DHRS4L2: variants seen among roughly 807,000 people sequenced by gnomAD.
The protein encoded by DHRS4L2 is dehydrogenase/reductase SDR family member 4-like 2.
In DHRS4L2, 22 loss-of-function variants were observed where a neutral mutation model predicts 23.9. That is an observed-to-expected ratio of 0.92 (90% CI 0.66 to 1.31). The LOEUF is 1.31. DHRS4L2 is among the 40% of genes most tolerant of loss of function. DHRS4L2 has a pLI of 0.00. For synonymous variants in DHRS4L2, 141 were observed against 123.7 expected, an observed-to-expected ratio of 1.14 and a Z score of -0.93; for missense variants, 385 against 303.3, an observed-to-expected ratio of 1.27 and a Z score of -2.00.
At position 24,000,941 on chromosome 14, in the gene DHRS4L2, G is replaced by C. The variant is rs376969886; in HGVS notation, c.479+8G>C. The C allele has an allele frequency of 1.4e-5, 23 of 1,611,274 alleles. No homozygotes were observed. The highest frequency in any genetic ancestry group is 2.2e-5 in the East Asian group (1 of 44,892). ...AGAAATGGAGAAACGAGGGTACAGAGAGTGAGAGAGAGCCTGGGTGAGAGG... is the reference window on the plus strand; with the variant it reads ...AGAAATGGAGAAACGAGGGTACAGACAGTGAGAGAGAGCCTGGGTGAGAGG... On this transcript the variant is annotated splice_region_variant and intron_variant, in intron 4 of 7. Transcript: ENST00000335125.
At chr14:23,995,271 C>G (rs929879506) in intron 3 of DHRS4L2, 138 bp downstream of exon 3, 5 of 1,013,180 alleles carry the variant, frequency 4.9e-6, no homozygotes, top group Non-Finnish European at 7.6e-6. Context: ...CTGGAGCACA[C>G]CTTGCAAAGG....
In DHRS4L2 at chr14:23,980,694, T is replaced by G. The variant is rs554252217; in HGVS notation, c.-175-9488T>G. ...TAGTCCATCACATAAACAGAACCAA[T>G]GACAAAAACCACATGATTATCTCAA... On this transcript the variant is annotated intron_variant, in intron 1 of 5. Transcript: ENST00000534993. Among the ~76,000 whole-genome samples, 23 of 149,894 alleles carry G rather than the reference T, an allele frequency of 1.5e-4. 1 individual carries two copies. The highest frequency in any genetic ancestry group is 1.9e-4 in the Non-Finnish European group (13 of 67,552).
intron 7 of DHRS4L2, 58 bp downstream of exon 7, chr14:24,004,450 C>T: frequency 6.4e-7 from 1 of 1,571,376 alleles, no homozygotes; most frequent in Non-Finnish European, 8.6e-7. Flanking sequence ...GGTCTGGTCC[C>T]TAGCAGCCCA....
upstream of DHRS4L2, among the ~76,000 whole-genome samples, chr14:23,986,550 G>A (rs548479757): frequency 1.5e-3 from 229 of 151,210 alleles, 8 homozygotes; most frequent in Middle Eastern, 3.4e-3. Flanking sequence ...AAATAGTGCT[G>A]GAGGCCAAAT....
At chr14:23,990,388 C>T (rs747646699) in intron 2 of DHRS4L2, 29 bp downstream of exon 2, 8 of 1,591,796 alleles carry the variant, frequency 5.0e-6, no homozygotes, top group South Asian at 3.4e-5. Flanking sequence ...GGCACAGAGC[C>T]AGGAGGTGGA....
At chr14:23,977,590 C>T (rs1275071437) in intron 1 of DHRS4L2, among the ~76,000 whole-genome samples, 1 of 151,630 alleles carries the variant, frequency 6.6e-6, no homozygotes, top group African/African-American at 2.4e-5. Flanking sequence ...GTGGGAACCC[C>T]CAAAATCACT....
intron 3 of DHRS4L2, among the ~76,000 whole-genome samples, chr14:24,000,028 AT>A (rs1207076172): frequency 7.4e-6 from 1 of 134,300 alleles, no homozygotes; most frequent in East Asian, 2.1e-4. Context: ...ACATTTTTTT[AT>A]TTTTGTTCTT....
chr14:23,988,592 A>G, upstream of DHRS4L2: 1 of 256,646 alleles, frequency 3.9e-6, no homozygotes, highest in South Asian at 6.7e-5. Flanking sequence ...CCAACTCAAA[A>G]CCCCCACTTC....
At chr14:23,984,036 T>TA (rs1200672404), upstream of DHRS4L2, among the ~76,000 whole-genome samples, 2 of 150,136 alleles carry the variant, frequency 1.3e-5, no homozygotes, top group South Asian at 2.1e-4. Flanking sequence ...TATAATAATT[T>TA]AAAAAAAGAA....
At chr14:24,001,226 C>G in intron 5 of DHRS4L2, 142 bp downstream of exon 5, 1 of 1,579,238 alleles carries the variant, frequency 6.3e-7, no homozygotes, top group Non-Finnish European at 8.6e-7. Flanking sequence ...CTTGCCTCCA[C>G]AAACCATAAC....
chr14:24,005,869 C>T lies in DHRS4L2; in HGVS notation c.*23-17C>T, dbSNP rs1382099191. 9 of 1,609,948 alleles carry T rather than the reference C, an allele frequency of 5.6e-6. No individual in the cohort carries two copies. Among genetic ancestry groups the T allele is most frequent in the Admixed American group, 1.7e-5 (1 of 59,548 alleles). On this transcript the variant is annotated splice_polypyrimidine_tract_variant and intron_variant, in intron 7 of 7. Coordinates refer to ENST00000335125, the MANE Select transcript of DHRS4L2 (RefSeq NM_198083.4). ...CGTTTGATTTTTACCTCCTTCCTTG[C>T]TTCCCTTATTCCCCAGGTTAGGCGA... is the stretch of plus-strand genomic sequence containing the variant.
At chr14:23,976,945 G>A (rs1166028945) in intron 1 of DHRS4L2, among the ~76,000 whole-genome samples, 1 of 150,910 alleles carries the variant, frequency 6.6e-6, no homozygotes, top group Non-Finnish European at 1.5e-5. Context: ...CACACACCAG[G>A]GTCTGTTGGG....
rs1279180244 is a variant in DHRS4L2, at chr14:23,993,881, T to G, written c.307-1151T>G. On this transcript the variant is annotated intron_variant, in intron 2 of 7. Coordinates refer to ENST00000335125, the MANE Select transcript of DHRS4L2 (RefSeq NM_198083.4). ...CCAACTCACTTTCAGAGGTCTCTTA[T>G]GAATTAGCTCTGTGCTACAAAGTGG... 2.6e-5 allele frequency among the ~76,000 whole-genome samples: 4 copies of G among 151,632 alleles called. No individual in the cohort carries two copies. In the South Asian group the frequency reaches 8.4e-4, roughly 32 times the overall value.
At chr14:23,977,980 A>T (rs2033999058) in intron 1 of DHRS4L2, among the ~76,000 whole-genome samples, 1 of 151,712 alleles carries the variant, frequency 6.6e-6, no homozygotes, top group Non-Finnish European at 1.5e-5. Context: ...TATAAAATTG[A>T]AACCTTAACT....
rs139813039 is a variant in DHRS4L2 at position 23,990,277 on chromosome 14, C to T, written c.224C>T (p.Thr75Met). ...KQQNVDQAVA[T>M]LQGEGLSVTG... is the part of the protein sequence containing the mutation. ...CAGAATGTGGACCAGGCGGTGGCCA[C>T]GCTGCAGGGGGAGGGGCTGAGCGTG... The change falls in exon 2 of 8, where the codon ACG becomes ATG. Residue 75 changes from threonine to methionine, a missense_variant. Coordinates refer to ENST00000335125, the MANE Select transcript of DHRS4L2 (RefSeq NM_198083.4). 248 of 1,612,570 alleles carry T rather than the reference C, an allele frequency of 1.5e-4. 1 individual carries two copies. In the African/African-American group the frequency reaches 2.7e-3, roughly 18 times the overall value.
Position 23,977,340 on chromosome 14 carries a change from T to A in DHRS4L2, c.-176+7008T>A, listed in dbSNP as rs2033987084. ...AGGGCTGGCAGTGCTGAGCCAGCAT[T>A]CTCAATGACAAACATGAGTGGAACT... On this transcript the variant is annotated intron_variant, in intron 1 of 5. Coordinates refer to the DHRS4L2 transcript ENST00000534993. Among the ~76,000 whole-genome samples the A allele has an allele frequency of 1.3e-5, 2 of 151,740 alleles. 1 individual carries two copies. Among genetic ancestry groups the A allele is most frequent in the African/African-American group, 4.9e-5 (2 of 41,236 alleles).
upstream of DHRS4L2, among the ~76,000 whole-genome samples, chr14:23,986,808 C>G (rs1460440982): frequency 6.6e-6 from 1 of 151,436 alleles, no homozygotes; most frequent in Non-Finnish European, 1.5e-5. Context: ...GTACCCTCCC[C>G]CCAGCCCCAC....
Position 24,001,043 on chromosome 14 carries a change from G to T in DHRS4L2, c.490G>T (p.Val164Leu). ...CTCTTCTTTTTCCAGAGGCGGCTCA[G>T]TGGTGATCGTGTCTTCCATAGCAGC... ...PEMEKRGGGS[V>L]VIVSSIAAFS... Residue 164 changes from valine to leucine, a missense_variant, in exon 5 of 8, where the codon GTG (valine) becomes TTG (leucine). By Grantham distance (32) the Val-to-Leu change is conservative. Coordinates refer to ENST00000335125, the MANE Select transcript of DHRS4L2 (RefSeq NM_198083.4). 6.2e-7 allele frequency: 1 copy of T among 1,611,478 alleles called. No homozygotes were observed. Among genetic ancestry groups the T allele is most frequent in the Non-Finnish European group, 8.5e-7 (1 of 1,179,496 alleles).
upstream of DHRS4L2, chr14:23,987,298 T>A: frequency 3.7e-6 from 1 of 266,668 alleles, no homozygotes; most frequent in Non-Finnish European, 7.5e-6. Context: ...GCCCGGCTAA[T>A]TTTTTGTATT....
Sources: allele counts gnomAD v4.1 joint callset (sites outside exome capture counted in the v4.1 genomes callset), GRCh38; gene constraint gnomAD v4.1.1; transcripts MANE v1.5; gene names NCBI Gene and HGNC (gene_info 2026-07-23, HGNC 2026-07-21).